The following RGP1 variants were observed in gnomAD, a reference collection of about 807,000 sequenced individuals.
The protein encoded by RGP1 is RGP1 partner of RAB6A GEF complex.
Under a neutral mutation model 44.5 loss-of-function variants are expected in RGP1, and 28 were observed. That is an observed-to-expected ratio of 0.63 (90% CI 0.47 to 0.86). The LOEUF (loss-of-function observed/expected upper bound fraction) is 0.86, where lower values mean the gene tolerates loss of function less well. Ranked by LOEUF, RGP1 falls within the 40% of genes least tolerant of loss-of-function variation. RGP1 has a pLI of 0.00. For missense variants in RGP1, 417 were observed against 490.7 expected, an observed-to-expected ratio of 0.85 and a Z score of 1.42; for synonymous variants, 212 against 196.7, an observed-to-expected ratio of 1.08 and a Z score of -0.65.
chr9:35,749,845 T>A lies in RGP1; in HGVS notation c.90T>A (p.Leu30=). The A allele has an allele frequency of 6.2e-7, 1 of 1,613,082 alleles. No homozygotes were observed. The highest frequency in any genetic ancestry group is 8.5e-7 in the Non-Finnish European group (1 of 1,179,438). Reference sequence around the variant, plus strand: ...GTGTAGTGACCGTCACCAACCCCCTTCCGCCCACGGCCACTTCTGCATCCA... The same window carrying A: ...GTGTAGTGACCGTCACCAACCCCCTACCGCCCACGGCCACTTCTGCATCCA... ...LECVVTVTNP[L]PPTATSASSE... The change falls in exon 2 of 9, where the codon CTT becomes CTA. Residue 30 remains leucine, a synonymous_variant. Coordinates refer to ENST00000378078, the MANE Select transcript of RGP1 (RefSeq NM_001080496.3). This position sits in a 1 kb window ranked among gnomAD's most constrained non-coding sequence, Gnocchi z 4.4.
Position 35,752,655 on chromosome 9 carries a change from C to T in RGP1, c.957C>T (p.Ser319=), listed in dbSNP as rs1305033059. The change falls in exon 9 of 9, where the codon TCC becomes TCT. Residue 319 remains serine (S), a synonymous_variant. Coordinates refer to ENST00000378078, the MANE Select transcript of RGP1 (RefSeq NM_001080496.3). ...CTTAATCTTTTTCTTCCATAGTGTC[C>T]TTGAAGTGGAGATTGCATTTTGAAT... is the stretch of plus-strand genomic sequence containing the variant. ...STPGFCTAIV[S]LKWRLHFEFV... 4 of 1,608,664 alleles carry T rather than the reference C, an allele frequency of 2.5e-6. No homozygotes were observed. The highest frequency in any genetic ancestry group is 3.4e-6 in the Non-Finnish European group (4 of 1,177,060).
chr9:35,768,841 T>A, the RGP1 span, among the ~76,000 whole-genome samples: 1 of 152,172 alleles, frequency 6.6e-6, no homozygotes, highest in South Asian at 2.1e-4. Flanking sequence ...CTGAGCAGTT[T>A]TTATTCAGGA....
the RGP1 span, among the ~76,000 whole-genome samples, chr9:35,780,967 T>C: frequency 4.4e-4 from 67 of 152,148 alleles, no homozygotes; most frequent in African/African-American, 1.5e-3. Context: ...AAAACATTTA[T>C]TTGAATTCTA....
In RGP1 at chr9:35,756,016, G is replaced by C. The variant is rs1408276461; in HGVS notation, c.*3142G>C. ...CTGCCAGGCTAACTTTAAGTCTCCT[G>C]CTTTTTCTCACTTGGATTTGGATCC... On this transcript the variant is annotated 3_prime_UTR_variant, in exon 9 of 9. Coordinates refer to ENST00000378078, the MANE Select transcript of RGP1 (RefSeq NM_001080496.3). The C allele has an allele frequency of 6.6e-6, 1 of 152,260 alleles. No individual in the cohort carries two copies. Among genetic ancestry groups the C allele is most frequent in the African/African-American group, 2.4e-5 (1 of 41,438 alleles). The allele number at this position is 152,260 out of a possible 1,614,324, so 9.4% of individuals were successfully genotyped here.
chr9:35,768,714 A>G, the RGP1 span, among the ~76,000 whole-genome samples: 2 of 152,208 alleles, frequency 1.3e-5, no homozygotes, highest in Non-Finnish European at 2.9e-5. Context: ...TTAAGAAGCT[A>G]GAGGAGCACT....
chr9:35,774,735 A>C, the RGP1 span, among the ~76,000 whole-genome samples: 8 of 147,980 alleles, frequency 5.4e-5, no homozygotes, highest in Non-Finnish European at 1.2e-4. Flanking sequence ...AAAACAAAAC[A>C]AAAAAAAACA....
At chr9:35,789,605 T>G in the RGP1 span, among the ~76,000 whole-genome samples, 1 of 149,592 alleles carries the variant, frequency 6.7e-6, no homozygotes, top group African/African-American at 2.4e-5. Context: ...CCTAACATAA[T>G]GAAGAATAGT....
At chr9:35,750,408 G>A (rs574670118) in intron 3 of RGP1, 29 bp downstream of exon 3, 3 of 1,612,384 alleles carry the variant, frequency 1.9e-6, no homozygotes, top group Admixed American at 1.7e-5. Context: ...CCTGGGAGAG[G>A]GGGGGTGCGG....
Position 35,756,201 on chromosome 9 carries a change from T to A in RGP1, c.*3327T>A, listed in dbSNP as rs1827356848. ...TTCTAGGTATTCTCCATAGGGATAG[T>A]CTCTTTGGCATTTATTTGGTTTTTC... is the stretch of plus-strand genomic sequence containing the variant. On this transcript the variant is annotated 3_prime_UTR_variant, in exon 9 of 9. Coordinates refer to ENST00000378078, the MANE Select transcript of RGP1 (RefSeq NM_001080496.3). The A allele has an allele frequency of 6.6e-6, 1 of 152,276 alleles. No homozygotes were observed. The highest frequency in any genetic ancestry group is 2.1e-4 in the South Asian group (1 of 4,836). 9.4% of individuals were successfully genotyped at this position (152,276 alleles called of 1,614,324 possible).
rs776393737 is a variant in RGP1, at chr9:35,751,977, G to A, written c.784G>A (p.Glu262Lys). The change falls in exon 8 of 9, where the codon GAG becomes AAG. Residue 262 changes from glutamate (E) to lysine (K), a missense_variant. Physicochemically the swap from Glu to Lys is moderately conservative, Grantham distance 56. Transcript: ENST00000378078. ...CCAGTTTTCAGTCAGCTTACAGACC[G>A]AGGAGCGTGTACAGCCTGAGTACCA... is the stretch of plus-strand genomic sequence containing the variant. The part of the protein sequence containing the change: ...CLQFSVSLQT[E>K]ERVQPEYQRR... 14 of 1,584,206 alleles carry A rather than the reference G, an allele frequency of 8.8e-6. No individual in the cohort carries two copies. Among genetic ancestry groups the A allele is most frequent in the Admixed American group, 5.3e-5 (3 of 56,628 alleles).
the RGP1 span, among the ~76,000 whole-genome samples, chr9:35,775,160 AT>A: frequency 4.6e-5 from 7 of 151,254 alleles, no homozygotes; most frequent in African/African-American, 1.2e-4. Flanking sequence ...CAGTAAATTC[AT>A]TTTTTTTTGT....
At chr9:35,773,239 C>T in the RGP1 span, among the ~76,000 whole-genome samples, 1 of 151,446 alleles carries the variant, frequency 6.6e-6, no homozygotes, top group Admixed American at 6.6e-5. Flanking sequence ...AAATAAAAAA[C>T]AAATAGCCAG....
downstream of RGP1, among the ~76,000 whole-genome samples, chr9:35,761,557 T>G (rs1350170203): frequency 6.6e-6 from 1 of 152,002 alleles, no homozygotes; most frequent in African/African-American, 2.4e-5. Context: ...TCCCGTAGTC[T>G]CGGCTACTTG....
At chr9:35,784,524 A>G in the RGP1 span, among the ~76,000 whole-genome samples, 1 of 152,128 alleles carries the variant, frequency 6.6e-6, no homozygotes, top group East Asian at 1.9e-4. Context: ...ATTTCGGCTC[A>G]CTGCAACCTC....
At chr9:35,776,487 A>G in the RGP1 span, among the ~76,000 whole-genome samples, 1 of 151,790 alleles carries the variant, frequency 6.6e-6, no homozygotes. Context: ...GGGTTTCATT[A>G]TGTTGGCTAG....
rs1827253100 is a variant in RGP1 at position 35,751,120 on chromosome 9, G to T, written c.487+131G>T. Reference sequence around the variant, plus strand: ...GTGACAGTGCTAGGGAGTTGGGAAGGGAGGGAGGGTTCTGGAGATAGAGAT... The same window carrying T: ...GTGACAGTGCTAGGGAGTTGGGAAGTGAGGGAGGGTTCTGGAGATAGAGAT... On this transcript the variant is annotated intron_variant, in intron 5 of 8. Transcript: ENST00000378078. The T allele has an allele frequency of 3.4e-6, 5 of 1,449,918 alleles. No individual in the cohort carries two copies. In the South Asian group the frequency reaches 6.4e-5, roughly 18 times the overall value. The allele number at this position is 1,449,918 out of a possible 1,614,324, so 89.8% of individuals were successfully genotyped here. A position where few individuals can be genotyped will look rare whatever the true frequency, so the allele number is the denominator to read the frequency against.
chr9:35,763,908 GA>G, the RGP1 span, among the ~76,000 whole-genome samples: 2 of 141,346 alleles, frequency 1.4e-5, no homozygotes, highest in South Asian at 2.3e-4. Context: ...AAAGAAAAGA[GA>G]AAAGAAAAAA....
the RGP1 span, among the ~76,000 whole-genome samples, chr9:35,778,036 A>C: frequency 2.6e-5 from 4 of 152,234 alleles, no homozygotes; most frequent in Non-Finnish European, 5.9e-5. Context: ...GCGGTGGCTC[A>C]TGCCTGTAAT....
chr9:35,779,049 T>A, the RGP1 span, among the ~76,000 whole-genome samples: 1 of 152,184 alleles, frequency 6.6e-6, no homozygotes, highest in African/African-American at 2.4e-5. Flanking sequence ...TAGAGGATGT[T>A]GAGTAAGGTT....
Sources: gnomAD v4.1 joint callset for allele counts (sites outside exome capture counted in the v4.1 genomes callset) on GRCh38, gnomAD v4.1.1 for gene constraint, Gnocchi (gnomAD v3.1) non-coding constraint, MANE v1.5 for transcripts, NCBI Gene and HGNC (gene_info 2026-07-23, HGNC 2026-07-21) for gene names.